The following POLD3 variants were observed in gnomAD, a reference collection of about 807,000 sequenced individuals.
POLD3 encodes DNA polymerase delta subunit 3.
In POLD3, 19 loss-of-function variants were observed where a neutral mutation model predicts 58.2. The ratio of observed to expected loss-of-function variants is 0.33; its 90% CI spans 0.23 to 0.48. POLD3 has a LOEUF of 0.48. Ranked by LOEUF, POLD3 falls within the 20% of genes least tolerant of loss-of-function variation. The pLI, the probability that POLD3 is intolerant of heterozygous loss-of-function variation, is 0.99. For synonymous variants in POLD3, 172 were observed against 193.5 expected (o/e 0.89, Z 0.92); for missense variants, 504 against 545.5 (o/e 0.92, Z 0.76).
chr11:74,621,505 C>A (rs898900948), intron 7 of POLD3, among the ~76,000 whole-genome samples: 1 of 149,650 alleles, frequency 6.7e-6, no homozygotes, highest in Non-Finnish European at 1.5e-5. Flanking sequence ...GTTAAAGCAT[C>A]ATGCTGTCAC....
intron 2 of POLD3, among the ~76,000 whole-genome samples, chr11:74,598,479 ACAT>A (rs2031357487): frequency 6.6e-6 from 1 of 152,212 alleles, no homozygotes; most frequent in Admixed American, 6.5e-5. Flanking sequence ...GTGCCTGGAA[ACAT>A]CATTTTATTA....
downstream of POLD3, among the ~76,000 whole-genome samples, chr11:74,647,974 T>A (rs916551388): frequency 2.0e-5 from 3 of 152,208 alleles, no homozygotes; most frequent in African/African-American, 4.8e-5. Context: ...ACACTTTATT[T>A]ACACATGAAG....
In POLD3 at chr11:74,641,568, T is replaced by C; in HGVS notation, c.*802T>C. 1 of 985,456 alleles carries C rather than the reference T, an allele frequency of 1.0e-6. No homozygotes were observed. The highest frequency in any genetic ancestry group is 1.2e-6 in the Non-Finnish European group (1 of 829,952). 61.0% of individuals were successfully genotyped at this position (985,456 alleles called of 1,614,324 possible). On this transcript the variant is annotated 3_prime_UTR_variant, in exon 12 of 12. Coordinates refer to ENST00000263681, the MANE Select transcript of POLD3 (RefSeq NM_006591.3). Reference sequence around the variant, plus strand: ...TGATACGGGGTGTGCTTTATGCTGCTCTTTGCGGTTTGTTGATCCCCTCCT... The same window carrying C: ...TGATACGGGGTGTGCTTTATGCTGCCCTTTGCGGTTTGTTGATCCCCTCCT...
At chr11:74,628,431 A>G (rs2032494557) in intron 8 of POLD3, among the ~76,000 whole-genome samples, 1 of 152,144 alleles carries the variant, frequency 6.6e-6, no homozygotes, top group Admixed American at 6.5e-5. Context: ...GTTGGTATTT[A>G]AAGTTATATA....
rs149321167 is a variant in POLD3, at chr11:74,650,133, T to C, written c.369+13858T>C. Among the ~76,000 whole-genome samples, 1,242 of 152,356 alleles carry C rather than the reference T, an allele frequency of 8.2e-3. 13 individuals carry two copies. Among genetic ancestry groups the C allele is most frequent in the African/African-American group, 0.028 (1,182 of 41,576 alleles). ...CAGTTTATAGTGGTTGGGTTTTTATTGTTTCAGAGTAATGCTTTGGACTTT... is the reference window on the plus strand; with the variant it reads ...CAGTTTATAGTGGTTGGGTTTTTATCGTTTCAGAGTAATGCTTTGGACTTT... On this transcript the variant is annotated intron_variant, in intron 4 of 4. Coordinates refer to the POLD3 transcript ENST00000524752.
intron 4 of POLD3, among the ~76,000 whole-genome samples, chr11:74,667,118 G>T (rs1461949499): frequency 6.6e-6 from 1 of 152,232 alleles, no homozygotes; most frequent in Non-Finnish European, 1.5e-5. Context: ...TGGGCTAGGT[G>T]AGGGAGGAAT....
At chr11:74,663,722 A>G (rs1470380886) in intron 4 of POLD3, among the ~76,000 whole-genome samples, 1 of 152,226 alleles carries the variant, frequency 6.6e-6, no homozygotes, top group Non-Finnish European at 1.5e-5. Flanking sequence ...TTTAGGACCC[A>G]GAAAGCAATA....
Position 74,634,621 on chromosome 11 carries a change from C to G in POLD3, c.1045C>G (p.Pro349Ala). The G allele has an allele frequency of 6.2e-7, 1 of 1,612,480 alleles. No individual in the cohort carries two copies. ...DSPGAYEAES[P>A]SPPPPPSPPL... ...TCCTGGGGCTTATGAAGCTGAGTCACCATCCCCACCTCCTCCTCCGTCTCC... is the reference window on the plus strand; with the variant it reads ...TCCTGGGGCTTATGAAGCTGAGTCAGCATCCCCACCTCCTCCTCCGTCTCC... The change falls in exon 10 of 12, where the codon CCA becomes GCA. Residue 349 changes from proline to alanine, a missense_variant. Around this residue, in one of 2 missense-constraint regions of POLD3, gnomAD observed 385 missense variants for 370.5 expected, o/e 1.04. Transcript: ENST00000263681.
At chr11:74,653,492 T>G (rs1647962341) in intron 4 of POLD3, among the ~76,000 whole-genome samples, 1 of 152,198 alleles carries the variant, frequency 6.6e-6, no homozygotes, top group African/African-American at 2.4e-5. Context: ...CTTAACTGTT[T>G]TAAGTTAAAT....
chr11:74,593,331 A>G lies in POLD3; in HGVS notation c.60+613A>G, dbSNP rs1249057843. Among the ~76,000 whole-genome samples the G allele has an allele frequency of 2.0e-5, 3 of 152,152 alleles. No individual in the cohort carries two copies. In the East Asian group the frequency reaches 5.8e-4, roughly 29 times the overall value. Reference sequence around the variant, plus strand: ...GGTGGTGGTATCCCGAGATGAGGAAATTGAAGCTGAGGGGCCAAATAACTT... The same window carrying G: ...GGTGGTGGTATCCCGAGATGAGGAAGTTGAAGCTGAGGGGCCAAATAACTT... On this transcript the variant is annotated intron_variant, in intron 1 of 11. Transcript: ENST00000263681.
intron 4 of POLD3, among the ~76,000 whole-genome samples, chr11:74,651,064 A>G (rs2033062793): frequency 1.3e-5 from 2 of 152,174 alleles, no homozygotes; most frequent in South Asian, 2.1e-4. Context: ...GCACCTCTTC[A>G]TGGCACTTAT....
intron 11 of POLD3, among the ~76,000 whole-genome samples, chr11:74,637,837 C>T (rs1189772132): frequency 6.7e-6 from 1 of 149,710 alleles, no homozygotes; most frequent in Non-Finnish European, 1.5e-5. Flanking sequence ...GTTTTTGGTC[C>T]AAGCTCAACC....
downstream of POLD3, among the ~76,000 whole-genome samples, chr11:74,647,876 T>A (rs749382210): frequency 9.8e-5 from 15 of 152,298 alleles, 1 homozygote; most frequent in South Asian, 3.1e-3. Flanking sequence ...AAATATGCTA[T>A]AATTATATTA....
chr11:74,640,016 G>C (rs2032868091), intron 11 of POLD3, among the ~76,000 whole-genome samples: 1 of 152,154 alleles, frequency 6.6e-6, no homozygotes, highest in African/African-American at 2.4e-5. Flanking sequence ...CTGTACCTAG[G>C]ATGTGCAGAG....
chr11:74,664,065 G>A (rs769703719), intron 4 of POLD3, among the ~76,000 whole-genome samples: 12 of 152,128 alleles, frequency 7.9e-5, no homozygotes, highest in African/African-American at 2.4e-4. Context: ...TCAGCAAAAT[G>A]TAAATGAAAA....
At chr11:74,635,693 A>G (rs2032728082) in intron 10 of POLD3, among the ~76,000 whole-genome samples, 2 of 152,218 alleles carry the variant, frequency 1.3e-5, no homozygotes, top group South Asian at 4.1e-4. Context: ...AAAAACAAAC[A>G]AACAAAAAAA....
intron 10 of POLD3, among the ~76,000 whole-genome samples, chr11:74,634,945 A>AGCTCCTTCAGC (rs1469255942): frequency 1.2e-4 from 19 of 152,186 alleles, no homozygotes; most frequent in African/African-American, 4.3e-4. Context: ...TTCTGTTTTC[A>AGCTCCTTCAGC]TGACCTTCAG....
At chr11:74,660,792 C>A (rs2033196965) in intron 4 of POLD3, among the ~76,000 whole-genome samples, 1 of 152,136 alleles carries the variant, frequency 6.6e-6, no homozygotes, top group South Asian at 2.1e-4. Context: ...GCCTCCCCAG[C>A]CATGCTTTCT....
intron 3 of POLD3, among the ~76,000 whole-genome samples, chr11:74,609,372 A>ATATATATTT (rs2031821525): frequency 1.5e-4 from 4 of 27,190 alleles, no homozygotes; most frequent in African/African-American, 7.5e-4. Flanking sequence ...ATATATATAT[A>ATATATATTT]TTTTTTTTTT....
Sources: allele counts gnomAD v4.1 joint callset (sites outside exome capture counted in the v4.1 genomes callset), GRCh38; gene constraint gnomAD v4.1.1; regional missense constraint gnomAD v4.1.1; transcripts MANE v1.5; gene names NCBI Gene and HGNC (gene_info 2026-07-23, HGNC 2026-07-21).